Variants in NR3C2 observed in about 807,000 individuals in gnomAD.
The protein encoded by NR3C2 is mineralocorticoid receptor.
NR3C2 carries 15 observed loss-of-function variants against 86.4 expected under a neutral mutation model. The observed-to-expected ratio is 0.17, with a 90% CI of 0.12 to 0.27. The LOEUF is 0.27. NR3C2 is among the 10% of genes least tolerant of loss of function. NR3C2 has a pLI of 1.00. For missense variants in NR3C2, 960 were observed against 1,195.6 expected (o/e 0.80, Z 2.91); for synonymous variants, 458 against 450.5 (o/e 1.02, Z -0.21).
chr4:148,228,327 C>T (rs1332566814), intron 3 of NR3C2, among the ~76,000 whole-genome samples: 1 of 152,010 alleles, frequency 6.6e-6, no homozygotes, highest in Admixed American at 6.6e-5. Flanking sequence ...AGTGACAGTA[C>T]ATCGTCCATA....
chr4:148,276,827 C>T (rs1740985870), intron 2 of NR3C2, among the ~76,000 whole-genome samples: 1 of 152,178 alleles, frequency 6.6e-6, no homozygotes, highest in South Asian at 2.1e-4. Context: ...TTCTTTTATA[C>T]TATGAAATCC....
At chr4:148,280,861 C>T (rs558805247) in intron 2 of NR3C2, among the ~76,000 whole-genome samples, 1 of 152,294 alleles carries the variant, frequency 6.6e-6, no homozygotes, top group South Asian at 2.1e-4. Context: ...CTCTGGTAAA[C>T]TCTATATAAA....
chr4:148,302,036 ATTTC>A (rs1207384102), intron 2 of NR3C2, among the ~76,000 whole-genome samples: 11 of 152,338 alleles, frequency 7.2e-5, no homozygotes, highest in East Asian at 1.9e-4. Flanking sequence ...AGATAACCAG[ATTTC>A]TTTGTCAATT....
At position 148,308,057 on chromosome 4, in the gene NR3C2, A is replaced by G. The variant is rs567807694; in HGVS notation, c.1758-47940T>C. Among the ~76,000 whole-genome samples the G allele has an allele frequency of 2.0e-5, 3 of 152,212 alleles. No homozygotes were observed. The South Asian group carries it at 6.2e-4, about 32-fold the overall frequency. ...TTGCTTATGAGGTTTGTGAGATACA[A>G]TGCCTCTCTTTTTATCTTTACTACC... On this transcript the variant is annotated intron_variant, in intron 2 of 8. Coordinates refer to ENST00000358102, the MANE Select transcript of NR3C2 (RefSeq NM_000901.5).
chr4:148,255,330 T>C (rs1739779528), intron 3 of NR3C2, among the ~76,000 whole-genome samples: 1 of 152,224 alleles, frequency 6.6e-6, no homozygotes, highest in African/African-American at 2.4e-5. Flanking sequence ...ATCTTTAAAA[T>C]GTATGCTGTG....
chr4:148,270,945 A>G (rs1740649775), intron 2 of NR3C2, among the ~76,000 whole-genome samples: 1 of 152,194 alleles, frequency 6.6e-6, no homozygotes, highest in African/African-American at 2.4e-5. Flanking sequence ...GTTCATTTTA[A>G]CACATTTCTG....
chr4:148,209,455 T>C (rs184781631), intron 3 of NR3C2, among the ~76,000 whole-genome samples: 1 of 152,046 alleles, frequency 6.6e-6, no homozygotes, highest in East Asian at 1.9e-4. Flanking sequence ...AATTTTCTGA[T>C]GTTTTTTGCG....
In NR3C2 at chr4:148,436,986, G is replaced by A. The variant is rs1363596588; in HGVS notation, c.-2-124C>T. On this transcript the variant is annotated intron_variant, in intron 1 of 8. Transcript: ENST00000358102. ...CTACTTATTATGAGCAACATTTCTA[G>A]CTAATTTAAAACTGTTACCTTTTTG... The A allele has an allele frequency of 1.1e-5, 9 of 794,234 alleles. No homozygotes were observed. The South Asian group carries it at 1.6e-4, about 14-fold the overall frequency. 49.2% of individuals were successfully genotyped at this position (794,234 alleles called of 1,614,324 possible).
intron 3 of NR3C2, among the ~76,000 whole-genome samples, chr4:148,242,035 G>A (rs1166070355): frequency 6.6e-6 from 1 of 152,156 alleles, no homozygotes; most frequent in African/African-American, 2.4e-5. Context: ...CATGACAGGG[G>A]CTGGGGGGAA....
chr4:148,227,444 T>C (rs775493040), intron 3 of NR3C2, among the ~76,000 whole-genome samples: 38 of 152,184 alleles, frequency 2.5e-4, no homozygotes, highest in Non-Finnish European at 4.9e-4. Flanking sequence ...TTCCCTACTA[T>C]AGTGTTATTT....
intron 2 of NR3C2, among the ~76,000 whole-genome samples, chr4:148,270,132 A>G (rs1370541930): frequency 6.6e-6 from 1 of 151,238 alleles, no homozygotes; most frequent in African/African-American, 2.4e-5. Context: ...AACATGCTTC[A>G]TCATGCTGAC....
intron 3 of NR3C2, among the ~76,000 whole-genome samples, chr4:148,238,328 G>A (rs1738845550): frequency 6.6e-6 from 1 of 152,012 alleles, no homozygotes; most frequent in South Asian, 2.1e-4. Flanking sequence ...GTAAGAATGG[G>A]AGAAATTTGA....
intron 6 of NR3C2, among the ~76,000 whole-genome samples, chr4:148,145,691 TG>T (rs972975099): frequency 1.8e-4 from 27 of 152,304 alleles, no homozygotes; most frequent in African/African-American, 6.0e-4. Flanking sequence ...GCTGCTTTCA[TG>T]GTCAGGCTGT....
At chr4:148,360,707 C>T (rs182381197) in intron 2 of NR3C2, among the ~76,000 whole-genome samples, 1 of 152,232 alleles carries the variant, frequency 6.6e-6, no homozygotes, top group Admixed American at 6.5e-5. Flanking sequence ...TTTTCCAATT[C>T]ACAGAGTAAT....
At position 148,429,831 on chromosome 4, in the gene NR3C2, C is replaced by T. The variant is rs112684156; in HGVS notation, c.1757+5273G>A. Among the ~76,000 whole-genome samples the T allele has an allele frequency of 6.6e-3, 1,006 of 152,210 alleles. 16 individuals are homozygous for T. Among genetic ancestry groups the T allele is most frequent in the African/African-American group, 0.023 (959 of 41,544 alleles). On this transcript the variant is annotated intron_variant, in intron 2 of 8. Coordinates refer to ENST00000358102, the MANE Select transcript of NR3C2 (RefSeq NM_000901.5). ...GCTATATTTAAATGTAATCAAGAAG[C>T]TAATATTTTTCTCTCAATTTGAATT...
intron 6 of NR3C2, among the ~76,000 whole-genome samples, chr4:148,137,609 G>T (rs926203328): frequency 1.3e-5 from 2 of 152,184 alleles, no homozygotes; most frequent in African/African-American, 4.8e-5. Context: ...TTGAAGTGAG[G>T]CTTCCCCAAA....
chr4:148,121,997 G>A (rs1476345631), intron 6 of NR3C2, among the ~76,000 whole-genome samples: 1 of 150,256 alleles, frequency 6.7e-6, no homozygotes, highest in Admixed American at 6.6e-5. Flanking sequence ...ATTTGCACAT[G>A]TCACCTGCTT....
At chr4:148,301,699 T>C (rs1032452761) in intron 2 of NR3C2, among the ~76,000 whole-genome samples, 7 of 152,362 alleles carry the variant, frequency 4.6e-5, no homozygotes, top group Admixed American at 3.9e-4. Flanking sequence ...TATGGTAATC[T>C]GGAATTCTAT....
chr4:148,129,376 T>C (rs1474056099), intron 6 of NR3C2, among the ~76,000 whole-genome samples: 3 of 152,168 alleles, frequency 2.0e-5, no homozygotes, highest in African/African-American at 7.2e-5. Flanking sequence ...TAGGTGGGAA[T>C]GCAGAATTAG....
Sources: allele counts gnomAD v4.1 joint callset (sites outside exome capture counted in the v4.1 genomes callset), GRCh38; gene constraint gnomAD v4.1.1; transcripts MANE v1.5; gene names NCBI Gene and HGNC (gene_info 2026-07-23, HGNC 2026-07-21).